The following TET2 variants were observed in gnomAD, a reference collection of about 807,000 sequenced individuals.
TET2 encodes methylcytosine dioxygenase TET2.
Under a neutral mutation model 142.9 loss-of-function variants are expected in TET2, and 299 were observed. The observed-to-expected ratio is 2.09, with a 90% CI of 1.90 to 2.30. The LOEUF is 2.30. TET2 is among the 30% of genes most tolerant of loss of function. The pLI is 0.00. For synonymous variants in TET2, 819 were observed against 849.0 expected (o/e 0.96, Z 0.61); for missense variants, 2,418 against 2,378.0 (o/e 1.02, Z -0.35).
At chr4:105,209,081 A>ATATATATATC (rs1560754082) in intron 2 of TET2, among the ~76,000 whole-genome samples, 2 of 103,502 alleles carry the variant, frequency 1.9e-5, no homozygotes, top group Non-Finnish European at 3.7e-5. Context: ...ATATATATAT[A>ATATATATATC]TATATATATA....
chr4:105,164,480 G>A (rs1387460194), intron 1 of TET2, among the ~76,000 whole-genome samples: 1 of 152,200 alleles, frequency 6.6e-6, no homozygotes, highest in Non-Finnish European at 1.5e-5. Flanking sequence ...TGGCAAAATT[G>A]TAGTGATTGA....
chr4:105,216,478 A>G (rs1272194186), intron 2 of TET2, among the ~76,000 whole-genome samples: 1 of 152,070 alleles, frequency 6.6e-6, no homozygotes, highest in Non-Finnish European at 1.5e-5. Flanking sequence ...GATGGCAACT[A>G]AAATCAGATT....
At chr4:105,250,325 T>C (rs1729799932) in intron 6 of TET2, among the ~76,000 whole-genome samples, 1 of 151,666 alleles carries the variant, frequency 6.6e-6, no homozygotes, top group Non-Finnish European at 1.5e-5. Context: ...TTGCCTACCA[T>C]GTTTCTTGGG....
chr4:105,275,104 C>T lies in TET2; in HGVS notation c.4594C>T (p.Gln1532Ter), dbSNP rs1731136656. The change falls in exon 11 of 11, where the codon CAG becomes TAG. Residue 1532 changes from glutamine (Q) to a stop codon, truncating the protein, a stop_gained. Transcript: ENST00000380013. LOFTEE classifies it low-confidence loss of function (END_TRUNC). Reference protein sequence around the residue: ...MQQSQQPQPLQKQPPQPQQQQ... With the variant: ...MQQSQQPQPL ...GCAGTCCCAGCAGCCCCAGCCTCTA[C>T]AGAAGCAGCCACCACAGCCCCAGCA... The T allele has an allele frequency of 6.4e-7, 1 of 1,550,970 alleles. No homozygotes were observed. Among genetic ancestry groups the T allele is most frequent in the Non-Finnish European group, 8.7e-7 (1 of 1,146,594 alleles).
intron 6 of TET2, among the ~76,000 whole-genome samples, chr4:105,256,657 G>A (rs28792491): frequency 0.032 from 4,872 of 152,052 alleles, 252 homozygotes; most frequent in African/African-American, 0.11. Flanking sequence ...AGAAGTTTTC[G>A]GCCATTATTT....
chr4:105,216,286 G>C (rs190636593), intron 2 of TET2, among the ~76,000 whole-genome samples: 459 of 152,158 alleles, frequency 3.0e-3, no homozygotes, highest in Middle Eastern at 0.01. Context: ...GAAACAGGTC[G>C]GGGGGAGGAG....
intron 1 of TET2, among the ~76,000 whole-genome samples, chr4:105,188,176 T>C (rs958677821): frequency 6.6e-6 from 1 of 152,220 alleles, no homozygotes; most frequent in Admixed American, 6.5e-5. Context: ...CAATGGACTA[T>C]TATTCAACCT....
chr4:105,252,730 A>G (rs1456496338), intron 6 of TET2, among the ~76,000 whole-genome samples: 1 of 152,154 alleles, frequency 6.6e-6, no homozygotes, highest in Non-Finnish European at 1.5e-5. Context: ...GGTCATCTAT[A>G]TGTTCTGTGT....
chr4:105,200,406 GT>G (rs1726383827), intron 2 of TET2, among the ~76,000 whole-genome samples: 1 of 150,996 alleles, frequency 6.6e-6, no homozygotes, highest in Non-Finnish European at 1.5e-5. Context: ...TTGTTTGTTT[GT>G]TTTTCCTGTA....
intron 2 of TET2, among the ~76,000 whole-genome samples, chr4:105,203,819 CTG>C (rs1163701151): frequency 2.6e-5 from 4 of 152,180 alleles, no homozygotes; most frequent in Admixed American, 6.6e-5. Context: ...TCTACAGCCT[CTG>C]TGAAGTCATC....
At chr4:105,159,482 C>T (rs1409105707) in intron 1 of TET2, among the ~76,000 whole-genome samples, 1 of 151,830 alleles carries the variant, frequency 6.6e-6, no homozygotes, top group African/African-American at 2.4e-5. Flanking sequence ...GTTGAACTCC[C>T]GACTTAAGGT....
rs539056326 is a variant in TET2, at chr4:105,235,932, A to G, written c.1990A>G (p.Lys664Glu). 8.1e-6 allele frequency: 13 copies of G among 1,614,140 alleles called. No homozygotes were observed. In the East Asian group the frequency reaches 1.6e-4, roughly 19 times the overall value. Residue 664 changes from lysine (K) to glutamate (E), a missense_variant, in exon 3 of 11, where the codon AAA (lysine) becomes GAA (glutamate). Transcript: ENST00000380013. The part of the protein sequence containing the change: ...QKPSHQVHFS[K>E]TDHLPKAHVQ... ...ACCCTCACACCAGGTGCACTTCTCC[A>G]AAACAGACCATTTACCAAAAGCTCA...
upstream of TET2, chr4:105,146,433 C>T (rs910187684): frequency 1.3e-5 from 2 of 152,514 alleles, no homozygotes; most frequent in African/African-American, 4.8e-5. Context: ...GGCCCCTACT[C>T]CGCGCTGGTC....
chr4:105,219,100 G>C (rs1213337886), intron 2 of TET2, among the ~76,000 whole-genome samples: 9 of 151,998 alleles, frequency 5.9e-5, no homozygotes, highest in African/African-American at 1.2e-4. Flanking sequence ...ATGAAATAAT[G>C]TTGGCAGCTT....
Position 105,236,595 on chromosome 4 carries a change from G to T in TET2, c.2653G>T (p.Glu885Ter). The change falls in exon 3 of 11, where the codon GAA (glutamate) becomes TAA (stop). Residue 885 changes from glutamate (E) to a stop codon, truncating the protein, a stop_gained. Coordinates refer to ENST00000380013, the MANE Select transcript of TET2 (RefSeq NM_001127208.3). LOFTEE classifies it high-confidence loss of function. ...KQDLLHRCFQ[E>*]QEQKSQQASV... ...AGATCTTCTTCACAGGTGCTTTCAA[G>T]AACAGGAGCAGAAGTCACAACAAGC... is the stretch of plus-strand genomic sequence containing the variant. The T allele has an allele frequency of 6.2e-7, 1 of 1,614,080 alleles. No individual in the cohort carries two copies. Among genetic ancestry groups the T allele is most frequent in the Non-Finnish European group, 8.5e-7 (1 of 1,180,010 alleles).
At chr4:105,266,372 A>G (rs1730682246) in intron 8 of TET2, among the ~76,000 whole-genome samples, 1 of 152,200 alleles carries the variant, frequency 6.6e-6, no homozygotes, top group African/African-American at 2.4e-5. Flanking sequence ...CCAACAAGGT[A>G]AAATTTATAG....
chr4:105,153,512 T>C (rs904276484), intron 1 of TET2, among the ~76,000 whole-genome samples: 3 of 152,258 alleles, frequency 2.0e-5, no homozygotes, highest in African/African-American at 7.2e-5. Flanking sequence ...GAATGGCCTT[T>C]ATGTTAAAAA....
intron 2 of TET2, among the ~76,000 whole-genome samples, chr4:105,204,492 G>A (rs1018463130): frequency 6.6e-6 from 1 of 152,006 alleles, no homozygotes; most frequent in Non-Finnish European, 1.5e-5. Context: ...TTTACCAATG[G>A]AGAAAACTGT....
chr4:105,169,315 T>C (rs1201022018), intron 1 of TET2, among the ~76,000 whole-genome samples: 1 of 152,240 alleles, frequency 6.6e-6, no homozygotes, highest in Non-Finnish European at 1.5e-5. Context: ...GATTTGCATT[T>C]CCCTGATCAT....
Sources: gnomAD v4.1 joint callset for allele counts (sites outside exome capture counted in the v4.1 genomes callset) on GRCh38, gnomAD v4.1.1 for gene constraint, MANE v1.5 for transcripts, NCBI Gene and HGNC (gene_info 2026-07-23, HGNC 2026-07-21) for gene names.